The following TBL1Y variants were observed in gnomAD, a reference collection of about 807,000 sequenced individuals.
TBL1Y encodes the protein transducin beta like 1 Y-linked, also known as F-box-like/WD repeat-containing protein TBL1Y.
A neutral mutation model predicts 12.0 loss-of-function variants in TBL1Y; 15 were observed. That is an observed-to-expected ratio of 1.25 (90% CI 0.83 to 1.92). The LOEUF (loss-of-function observed/expected upper bound fraction) is 1.92. TBL1Y is among the 40% of genes most tolerant of loss of function. The pLI is 0.00. For synonymous variants in TBL1Y, 53 were observed against 42.6 expected (o/e 1.24, Z -0.95); for missense variants, 148 against 116.7 (o/e 1.27, Z -1.24).
chrY:7,016,213 C>T (rs781240128), intron 4 of TBL1Y, among the ~76,000 whole-genome samples: 2 of 32,080 alleles, frequency 6.2e-5, no homozygotes, highest in South Asian at 7.5e-4. Context: ...GTACTGGCCT[C>T]GCCGTGAGCA....
At chrY:7,059,408 C>T (rs1024686313) in intron 7 of TBL1Y, among the ~76,000 whole-genome samples, 12 of 33,040 alleles carry the variant, frequency 3.6e-4, no homozygotes, top group Admixed American at 1.4e-3. Context: ...CTACACCCCA[C>T]GACTCTGGAG....
intron 3 of TBL1Y, among the ~76,000 whole-genome samples, chrY:6,979,809 T>C (rs2012271874): frequency 3.0e-5 from 1 of 33,420 alleles, no homozygotes; most frequent in Non-Finnish European, 7.4e-5. Context: ...TCGTGAGCAG[T>C]TGGGACTACA....
At chrY:6,926,876 C>T in intron 2 of TBL1Y, among the ~76,000 whole-genome samples, 1 of 33,431 alleles carries the variant, frequency 3.0e-5, no homozygotes, top group Non-Finnish European at 7.4e-5. Context: ...GCTGGGATTA[C>T]AGATGTGAGT....
intron 7 of TBL1Y, among the ~76,000 whole-genome samples, chrY:7,061,211 C>T (rs1313428089): frequency 3.2e-4 from 9 of 28,273 alleles, no homozygotes; most frequent in Admixed American, 2.4e-3. Context: ...AAGCATTTGC[C>T]GCTACAGATT....
intron 8 of TBL1Y, among the ~76,000 whole-genome samples, chrY:7,064,585 C>A: frequency 3.0e-5 from 1 of 33,795 alleles, no homozygotes; most frequent in Non-Finnish European, 7.3e-5. Context: ...TTGGTCTTTG[C>A]AAAATCCCAG....
intron 4 of TBL1Y, among the ~76,000 whole-genome samples, chrY:7,009,963 G>A (rs2012506924): frequency 3.3e-5 from 1 of 29,910 alleles, no homozygotes; most frequent in African/African-American, 1.3e-4. Flanking sequence ...CCTGGAAAGT[G>A]GAGGTTGCGG....
intron 5 of TBL1Y, 57 bp from the exon 6 acceptor site, chrY:7,024,978 C>CA (rs370988381): frequency 1.2e-4 from 30 of 250,581 alleles, no homozygotes; most frequent in Middle Eastern, 1.1e-3. Flanking sequence ...ACCTCACACA[C>CA]AAAAAAAAGA....
chrY:6,967,644 C>G, intron 2 of TBL1Y, among the ~76,000 whole-genome samples: 1 of 33,981 alleles, frequency 2.9e-5, no homozygotes, highest in Non-Finnish European at 7.3e-5. Flanking sequence ...CTTGGCCTCC[C>G]AAAGTGTTGG....
chrY:7,065,231 G>C, intron 8 of TBL1Y, among the ~76,000 whole-genome samples: 1 of 33,115 alleles, frequency 3.0e-5, no homozygotes, highest in African/African-American at 1.2e-4. Flanking sequence ...ATCATGGGGG[G>C]TAGTTTCCCC....
chrY:6,958,727 A>G (rs2012088479), intron 2 of TBL1Y, among the ~76,000 whole-genome samples: 1 of 34,037 alleles, frequency 2.9e-5, no homozygotes, highest in Non-Finnish European at 7.3e-5. Context: ...CGTGTACGTA[A>G]GCCAGATTTA....
At chrY:7,009,489 C>T in intron 4 of TBL1Y, among the ~76,000 whole-genome samples, 3 of 33,168 alleles carry the variant, frequency 9.0e-5, no homozygotes, top group African/African-American at 3.5e-4. Context: ...AATTCATTTA[C>T]TCCTCCAACC....
intron 10 of TBL1Y, among the ~76,000 whole-genome samples, chrY:7,071,228 A>G: frequency 3.0e-5 from 1 of 33,850 alleles, no homozygotes; most frequent in Non-Finnish European, 7.3e-5. Context: ...AACAAGTGTC[A>G]TGTGCATTGA....
intron 2 of TBL1Y, among the ~76,000 whole-genome samples, chrY:6,973,344 G>A (rs2124123593): frequency 1.5e-4 from 5 of 32,840 alleles, no homozygotes; most frequent in African/African-American, 6.0e-4. Flanking sequence ...GAAAGAGGAG[G>A]CAGAGCTGTC....
chrY:7,002,878 C>T, intron 4 of TBL1Y, among the ~76,000 whole-genome samples: 1 of 33,227 alleles, frequency 3.0e-5, no homozygotes, highest in Non-Finnish European at 7.4e-5. Flanking sequence ...GTTTACAGAG[C>T]CTGTGAAATA....
chrY:6,971,930 G>A (rs2012211826), intron 2 of TBL1Y, among the ~76,000 whole-genome samples: 1 of 33,714 alleles, frequency 3.0e-5, no homozygotes, highest in Non-Finnish European at 7.3e-5. Context: ...TTCTTAGATG[G>A]TGCTCTCTTA....
intron 3 of TBL1Y, among the ~76,000 whole-genome samples, chrY:6,990,379 G>A: frequency 3.1e-5 from 1 of 32,712 alleles, no homozygotes; most frequent in African/African-American, 1.2e-4. Flanking sequence ...TTTGCCAGGC[G>A]TGAGCCTAGA....
intron 7 of TBL1Y, among the ~76,000 whole-genome samples, chrY:7,056,075 C>T: frequency 3.0e-5 from 1 of 33,184 alleles, no homozygotes; most frequent in Non-Finnish European, 7.4e-5. Flanking sequence ...GGAACTTCCT[C>T]CTGTATATTT....
chrY:6,962,672 G>T, intron 2 of TBL1Y, among the ~76,000 whole-genome samples: 1 of 33,542 alleles, frequency 3.0e-5, no homozygotes, highest in Non-Finnish European at 7.4e-5. Flanking sequence ...TTTTTGAAAG[G>T]TTTTTTTCTG....
chrY:6,953,102 C>A (rs2012043532), intron 2 of TBL1Y, among the ~76,000 whole-genome samples: 4 of 33,293 alleles, frequency 1.2e-4, no homozygotes, highest in Admixed American at 1.1e-3. Context: ...CTCTGGCTAC[C>A]CTTAACATTT....
Sources: allele counts gnomAD v4.1 joint callset (sites outside exome capture counted in the v4.1 genomes callset), GRCh38; gene constraint gnomAD v4.1.1; transcripts MANE v1.5; gene names NCBI Gene and HGNC (gene_info 2026-07-23, HGNC 2026-07-21).